MDGA2: variants seen among roughly 807,000 people sequenced by gnomAD.
MDGA2 encodes MAM domain containing glycosylphosphatidylinositol anchor 2.
MDGA2 carries 40 observed loss-of-function variants against 117.8 expected under a neutral mutation model. That is an observed-to-expected ratio of 0.34 (90% CI 0.26 to 0.44). The LOEUF is 0.44. MDGA2 is among the 20% of genes least tolerant of loss of function. MDGA2 has a pLI of 1.00. For synonymous variants in MDGA2, 452 were observed against 439.0 expected (o/e 1.03, Z -0.37); for missense variants, 1,123 against 1,250.6 (o/e 0.90, Z 1.54).
At chr14:47,164,545 C>A (rs1025355131) in intron 3 of MDGA2, among the ~76,000 whole-genome samples, 14 of 152,170 alleles carry the variant, frequency 9.2e-5, no homozygotes, top group South Asian at 2.1e-4. Context: ...ATCAAAACCA[C>A]AATGAGATAC....
At chr14:47,505,535 G>A (rs1201914536) in intron 1 of MDGA2, among the ~76,000 whole-genome samples, 2 of 152,072 alleles carry the variant, frequency 1.3e-5, no homozygotes, top group African/African-American at 4.8e-5. Flanking sequence ...ATGTACTCAA[G>A]TGTTTGTCAA....
At chr14:47,468,235 G>T (rs1202590572) in intron 1 of MDGA2, among the ~76,000 whole-genome samples, 3 of 152,152 alleles carry the variant, frequency 2.0e-5, no homozygotes, top group Non-Finnish European at 2.9e-5. Flanking sequence ...GTTATCTAAG[G>T]TCCTGACTAT....
chr14:47,068,090 A>G (rs1005365144), intron 6 of MDGA2, among the ~76,000 whole-genome samples: 1 of 152,130 alleles, frequency 6.6e-6, no homozygotes, highest in Non-Finnish European at 1.5e-5. Context: ...TTGGGGTTCT[A>G]TTTAATTGTA....
rs866090116 is a variant in MDGA2 at position 47,061,434 on chromosome 14, C to T, written c.1340G>A (p.Arg447His). 2.5e-6 allele frequency: 4 copies of T among 1,613,406 alleles called. No homozygotes were observed. The African/African-American group carries it at 4.0e-5, about 16-fold the overall frequency. ...ELTFSWFKNGRPLRSSERMVI... is the reference protein window; with the variant it reads ...ELTFSWFKNGHPLRSSERMVI... ...CATCCGCTCAGAACTTCTTAATGGA[C>T]GACCATTTTTAAACCAACTAAATGT... The change falls in exon 7 of 17, where the codon CGT (arginine) becomes CAT (histidine). Residue 447 changes from arginine to histidine, a missense_variant. Arg to His is a conservative substitution (Grantham distance 29). This residue lies in a region of MDGA2 where 890 missense variants were observed against 1,050.3 expected (regional missense o/e 0.85). Transcript: ENST00000399232.
intron 1 of MDGA2, among the ~76,000 whole-genome samples, chr14:47,469,584 T>G (rs1275649883): frequency 6.6e-6 from 1 of 152,130 alleles, no homozygotes; most frequent in African/African-American, 2.4e-5. Context: ...TCCAAGTCTT[T>G]GCTATTGTGA....
chr14:47,572,937 G>C (rs928898534), intron 1 of MDGA2, among the ~76,000 whole-genome samples: 1 of 151,892 alleles, frequency 6.6e-6, no homozygotes, highest in African/African-American at 2.4e-5. Context: ...TTTATTTTTT[G>C]GTTATTTTAA....
chr14:47,398,693 A>G (rs1454032037), intron 1 of MDGA2, among the ~76,000 whole-genome samples: 1 of 152,156 alleles, frequency 6.6e-6, no homozygotes, highest in African/African-American at 2.4e-5. Flanking sequence ...TATTTCATGC[A>G]ATTTAATGTA....
intron 3 of MDGA2, among the ~76,000 whole-genome samples, chr14:47,171,979 G>A (rs981394139): frequency 5.9e-5 from 9 of 152,282 alleles, no homozygotes; most frequent in East Asian, 1.9e-4. Flanking sequence ...AAAAAACGGT[G>A]CACCAGGAGA....
At chr14:47,491,309 ACCT>A (rs1894164701) in intron 1 of MDGA2, among the ~76,000 whole-genome samples, 1 of 151,882 alleles carries the variant, frequency 6.6e-6, no homozygotes, top group Non-Finnish European at 1.5e-5. Context: ...ATAAACCAAC[ACCT>A]CCTGAGAGTT....
chr14:47,033,229 A>G (rs1184079610), intron 8 of MDGA2, among the ~76,000 whole-genome samples: 2 of 152,212 alleles, frequency 1.3e-5, no homozygotes, highest in African/African-American at 4.8e-5. Flanking sequence ...AATCAATAGA[A>G]TTCTGGAGTT....
intron 10 of MDGA2, among the ~76,000 whole-genome samples, chr14:46,913,140 G>A (rs934817008): frequency 6.6e-6 from 1 of 152,066 alleles, no homozygotes; most frequent in African/African-American, 2.4e-5. Flanking sequence ...CAAAATTCAA[G>A]TTCTGCCTAT....
intron 15 of MDGA2, among the ~76,000 whole-genome samples, chr14:46,851,291 A>C (rs1881046027): frequency 6.6e-6 from 1 of 151,874 alleles, no homozygotes; most frequent in South Asian, 2.1e-4. Flanking sequence ...AAAGAAGTAA[A>C]GCATTAAAAG....
intron 3 of MDGA2, among the ~76,000 whole-genome samples, chr14:47,159,801 A>C (rs1325675392): frequency 6.6e-6 from 1 of 152,086 alleles, no homozygotes. Flanking sequence ...ATCCTGGGTT[A>C]GTTATCTTTT....
chr14:47,616,215 C>T (rs1354421209), intron 1 of MDGA2, among the ~76,000 whole-genome samples: 1 of 152,206 alleles, frequency 6.6e-6, no homozygotes, highest in Non-Finnish European at 1.5e-5. Context: ...AAGTAAGTGT[C>T]TGCACATTGT....
intron 2 of MDGA2, among the ~76,000 whole-genome samples, chr14:47,264,368 G>A (rs1207782190): frequency 1.3e-5 from 2 of 152,072 alleles, no homozygotes; most frequent in African/African-American, 4.8e-5. Flanking sequence ...AAAGTATTGG[G>A]TTGACTGCAA....
At position 47,478,854 on chromosome 14, in the gene MDGA2, A is replaced by C. The variant is rs193204542; in HGVS notation, c.281-177304T>G. Reference sequence around the variant, plus strand: ...AGATGAGTGAAAGACATGGCTTTGAAGAATTAGAAATCTTTTGACATCTTG... The same window carrying C: ...AGATGAGTGAAAGACATGGCTTTGACGAATTAGAAATCTTTTGACATCTTG... On this transcript the variant is annotated intron_variant, in intron 1 of 16. Transcript: ENST00000399232. Among the ~76,000 whole-genome samples, 9 of 152,298 alleles carry C rather than the reference A, an allele frequency of 5.9e-5. No individual in the cohort carries two copies. In the East Asian group the frequency reaches 1.5e-3, roughly 26 times the overall value.
intron 1 of MDGA2, among the ~76,000 whole-genome samples, chr14:47,573,418 T>C (rs966121781): frequency 1.3e-5 from 2 of 152,180 alleles, no homozygotes; most frequent in Admixed American, 6.6e-5. Flanking sequence ...TGTTATTACA[T>C]TTCTCATTTC....
intron 1 of MDGA2, among the ~76,000 whole-genome samples, chr14:47,567,518 T>C (rs1194817241): frequency 6.6e-6 from 1 of 152,202 alleles, no homozygotes. Context: ...ATTCCAACTA[T>C]GACAGAGAAT....
At chr14:47,548,530 G>A (rs1490931619) in intron 1 of MDGA2, among the ~76,000 whole-genome samples, 1 of 152,054 alleles carries the variant, frequency 6.6e-6, no homozygotes, top group East Asian at 1.9e-4. Flanking sequence ...TAGCATATGA[G>A]CAGCAAATGA....
Sources: allele counts gnomAD v4.1 joint callset (sites outside exome capture counted in the v4.1 genomes callset), GRCh38; gene constraint gnomAD v4.1.1; regional missense constraint gnomAD v4.1.1; transcripts MANE v1.5; gene names NCBI Gene and HGNC (gene_info 2026-07-23, HGNC 2026-07-21).